The following RIMS2 variants were observed in gnomAD, a reference collection of about 807,000 sequenced individuals.
RIMS2 encodes regulating synaptic membrane exocytosis 2.
In RIMS2, 59 loss-of-function variants were observed where a neutral mutation model predicts 174.4. That is an observed-to-expected ratio of 0.34 (90% CI 0.27 to 0.42). The LOEUF (loss-of-function observed/expected upper bound fraction) is 0.42. Among genes scored for constraint, RIMS2 ranks in the 10% least tolerant of loss-of-function variants. The pLI is 1.00. For synonymous variants in RIMS2, 606 were observed against 572.5 expected, an observed-to-expected ratio of 1.06 and a Z score of -0.84; for missense variants, 1,620 against 1,666.3, an observed-to-expected ratio of 0.97 and a Z score of 0.48.
intron 16 of RIMS2, among the ~76,000 whole-genome samples, chr8:103,985,543 T>C (rs2094297400): frequency 6.7e-6 from 1 of 149,528 alleles, no homozygotes; most frequent in Admixed American, 6.7e-5. Flanking sequence ...AGATGAATGC[T>C]TGAAGGGATG....
At chr8:103,505,644 A>C (rs1823130806) in intron 1 of RIMS2, among the ~76,000 whole-genome samples, 1 of 152,112 alleles carries the variant, frequency 6.6e-6, no homozygotes, top group South Asian at 2.1e-4. Context: ...TGTTGGGCCA[A>C]AGGGTTAGTA....
chr8:104,067,935 A>G (rs1354353102), intron 19 of RIMS2, among the ~76,000 whole-genome samples: 1 of 152,204 alleles, frequency 6.6e-6, no homozygotes, highest in African/African-American at 2.4e-5. Context: ...CTTTACTGGC[A>G]TGGTATGCTA....
At position 103,770,083 on chromosome 8, in the gene RIMS2, T is replaced by C. The variant is rs919742421; in HGVS notation, c.698+3546T>C. ...ATTAGACATTTATCTATAGCCAGTATTGAGTCCTTTGAATTTCTTCCCTTA... is the reference window on the plus strand; with the variant it reads ...ATTAGACATTTATCTATAGCCAGTACTGAGTCCTTTGAATTTCTTCCCTTA... On this transcript the variant is annotated intron_variant, in intron 3 of 23. Transcript: ENST00000504942. 5.3e-5 allele frequency among the ~76,000 whole-genome samples: 8 copies of C among 152,206 alleles called. No individual in the cohort carries two copies. The East Asian group carries it at 1.2e-3, about 22-fold the overall frequency.
At chr8:103,932,854 G>A (rs1290770752) in intron 12 of RIMS2, among the ~76,000 whole-genome samples, 3 of 152,238 alleles carry the variant, frequency 2.0e-5, no homozygotes, top group South Asian at 2.1e-4. Context: ...CCTGAGCACC[G>A]TAATGTGACC....
In RIMS2 at chr8:104,220,506, T is replaced by C. The variant is rs575202859; in HGVS notation, c.3335-24410T>C. ...CAGTCACTTGCAGAAACCCAAGAAA[T>C]CTTTTTCCAAAATGACTTTCAGCCA... is the stretch of plus-strand genomic sequence containing the variant. On this transcript the variant is annotated intron_variant, in intron 19 of 23. Coordinates refer to ENST00000504942, the Ensembl canonical transcript of RIMS2. Among the ~76,000 whole-genome samples, 3 of 152,298 alleles carry C rather than the reference T, an allele frequency of 2.0e-5. No individual in the cohort carries two copies. The East Asian group carries it at 5.8e-4, about 29-fold the overall frequency.
At chr8:103,508,323 C>T (rs1162994732) in intron 1 of RIMS2, among the ~76,000 whole-genome samples, 1 of 151,970 alleles carries the variant, frequency 6.6e-6, no homozygotes, top group Non-Finnish European at 1.5e-5. Flanking sequence ...AAGAGGAGCA[C>T]GTGATTCAGT....
At chr8:104,191,552 A>G (rs1332853989) in intron 19 of RIMS2, among the ~76,000 whole-genome samples, 4 of 152,146 alleles carry the variant, frequency 2.6e-5, no homozygotes, top group Non-Finnish European at 5.9e-5. Flanking sequence ...ATTGAAAATA[A>G]AACATGATTA....
intron 1 of RIMS2, among the ~76,000 whole-genome samples, chr8:103,672,046 T>C (rs951949448): frequency 1.3e-5 from 2 of 152,136 alleles, no homozygotes; most frequent in Non-Finnish European, 2.9e-5. Flanking sequence ...TTTAAAACAA[T>C]TAAAACAGGA....
intron 5 of RIMS2, among the ~76,000 whole-genome samples, chr8:103,911,763 T>A (rs2075718889): frequency 6.6e-6 from 1 of 152,202 alleles, no homozygotes; most frequent in Non-Finnish European, 1.5e-5. Flanking sequence ...TTTCAAAATT[T>A]CTCAGATTTT....
At chr8:103,848,706 A>G (rs1173606430) in intron 3 of RIMS2, among the ~76,000 whole-genome samples, 1 of 152,014 alleles carries the variant, frequency 6.6e-6, no homozygotes, top group Admixed American at 6.6e-5. Context: ...CATGGGTTAT[A>G]TGGGATTGTG....
chr8:103,719,530 C>G (rs1030963246), intron 2 of RIMS2, among the ~76,000 whole-genome samples: 1 of 152,186 alleles, frequency 6.6e-6, no homozygotes, highest in Non-Finnish European at 1.5e-5. Context: ...TAATTTAACA[C>G]ATTTTCTCAT....
intron 14 of RIMS2, among the ~76,000 whole-genome samples, chr8:103,954,182 T>A (rs1169033047): frequency 6.6e-6 from 1 of 152,128 alleles, no homozygotes; most frequent in Non-Finnish European, 1.5e-5. Flanking sequence ...ACTGTCAACA[T>A]TAGACAGATC....
chr8:103,725,771 T>A (rs1443426326), intron 2 of RIMS2, among the ~76,000 whole-genome samples: 1 of 152,200 alleles, frequency 6.6e-6, no homozygotes, highest in Non-Finnish European at 1.5e-5. Flanking sequence ...GATTCAATTT[T>A]CATTGCAAAC....
chr8:104,136,012 T>C (rs1457807052), intron 19 of RIMS2, among the ~76,000 whole-genome samples: 2 of 152,232 alleles, frequency 1.3e-5, no homozygotes, highest in Non-Finnish European at 2.9e-5. Context: ...ACTACTTTGA[T>C]TATTCAGTTA....
chr8:103,700,358 A>G (rs1316002854), intron 2 of RIMS2, among the ~76,000 whole-genome samples: 1 of 151,978 alleles, frequency 6.6e-6, no homozygotes, highest in South Asian at 2.1e-4. Context: ...TCTAAAATTC[A>G]CTTGGTCTAA....
chr8:103,966,838 T>C (rs2091947068), intron 15 of RIMS2, among the ~76,000 whole-genome samples: 1 of 152,080 alleles, frequency 6.6e-6, no homozygotes, highest in South Asian at 2.1e-4. Context: ...TAAAGATATA[T>C]TTAAATTTCC....
chr8:104,158,863 A>G (rs1443899998), intron 19 of RIMS2, among the ~76,000 whole-genome samples: 3 of 151,964 alleles, frequency 2.0e-5, no homozygotes, highest in Non-Finnish European at 2.9e-5. Flanking sequence ...CACTCTGATG[A>G]TAGTTTCTTT....
intron 3 of RIMS2, among the ~76,000 whole-genome samples, chr8:103,881,534 A>G (rs1263350887): frequency 6.6e-6 from 1 of 151,534 alleles, no homozygotes; most frequent in Non-Finnish European, 1.5e-5. Flanking sequence ...GCTTCTTTGG[A>G]GTTTTCCCAT....
At chr8:104,050,281 A>G (rs911593393) in intron 19 of RIMS2, among the ~76,000 whole-genome samples, 67 of 152,336 alleles carry the variant, frequency 4.4e-4, no homozygotes, top group African/African-American at 1.5e-3. Context: ...TGCTGGAGAC[A>G]TAACAGTGAC....
Sources: gnomAD v4.1 joint callset for allele counts (sites outside exome capture counted in the v4.1 genomes callset) on GRCh38, gnomAD v4.1.1 for gene constraint, MANE v1.5 for transcripts, NCBI Gene and HGNC (gene_info 2026-07-23, HGNC 2026-07-21) for gene names.